TXLNB: variants seen among roughly 807,000 people sequenced by gnomAD.
TXLNB encodes the protein beta-taxilin.
In TXLNB, 37 loss-of-function variants were observed where a neutral mutation model predicts 57.4. The ratio of observed to expected loss-of-function variants is 0.64; its 90% confidence interval spans 0.50 to 0.85. The LOEUF (loss-of-function observed/expected upper bound fraction) is 0.85, where lower values mean the gene tolerates loss of function less well. Among genes scored for constraint, TXLNB ranks in the 40% least tolerant of loss-of-function variants. The pLI is 0.00. For synonymous variants in TXLNB, 302 were observed against 309.6 expected, an observed-to-expected ratio of 0.98 and a Z score of 0.26; for missense variants, 848 against 825.6, an observed-to-expected ratio of 1.03 and a Z score of -0.33.
At chr6:139,277,157 A>C in intron 2 of TXLNB, 1 of 396,576 alleles carries the variant, frequency 2.5e-6, no homozygotes, top group East Asian at 4.4e-5. Context: ...CTCTCAATAA[A>C]TGTTTGCTAT....
chr6:139,199,049 G>C, the TXLNB span, among the ~76,000 whole-genome samples: 1 of 151,106 alleles, frequency 6.6e-6, no homozygotes. Flanking sequence ...AACCGATAAA[G>C]GTTCATATTT....
At chr6:139,165,629 T>G in the TXLNB span, among the ~76,000 whole-genome samples, 6 of 152,082 alleles carry the variant, frequency 3.9e-5, no homozygotes, top group African/African-American at 1.4e-4. Context: ...TTTTTGACAT[T>G]TTAGAAATAA....
chr6:139,218,100 G>T, the TXLNB span, among the ~76,000 whole-genome samples: 1 of 152,064 alleles, frequency 6.6e-6, no homozygotes, highest in Non-Finnish European at 1.5e-5. Flanking sequence ...TTTCAGTATG[G>T]TAGGGTCCCC....
At chr6:139,248,003 G>A (rs1776107697) in intron 7 of TXLNB, 94 bp from the exon 8 acceptor site, 5 of 641,040 alleles carry the variant, frequency 7.8e-6, no homozygotes, top group Non-Finnish European at 1.3e-5. Context: ...TATAGTATTA[G>A]TAATATGTTT....
At chr6:139,281,425 T>G (rs1777045531) in intron 2 of TXLNB, among the ~76,000 whole-genome samples, 1 of 152,040 alleles carries the variant, frequency 6.6e-6, no homozygotes, top group Admixed American at 6.5e-5. Flanking sequence ...TGTGTTTTCT[T>G]GTCAGATTTT....
chr6:139,193,658 C>CT, the TXLNB span, among the ~76,000 whole-genome samples: 70 of 143,066 alleles, frequency 4.9e-4, no homozygotes, highest in South Asian at 2.2e-3. Context: ...CATCTTCTCA[C>CT]TTTTTTTTTT....
At position 139,240,748 on chromosome 6, in the gene TXLNB, GTTA is replaced by G. The variant is rs1775913924; in HGVS notation, c.*1775_*1777del. ...ATTTTTTTTCCTGCCTAGCAACTTT[GTTA>G]TTATCCTCACTGTCTACTTCAAACA... On this transcript the variant is annotated 3_prime_UTR_variant, in exon 10 of 10. Coordinates refer to ENST00000358430, the MANE Select transcript of TXLNB (RefSeq NM_153235.4). The G allele has an allele frequency of 1.3e-5, 2 of 152,624 alleles. No individual in the cohort carries two copies. Among genetic ancestry groups the G allele is most frequent in the South Asian group, 4.1e-4 (2 of 4,828 alleles). The allele number at this position is 152,624 out of a possible 1,614,324, so 9.5% of individuals were successfully genotyped here.
At chr6:139,264,244 G>C (rs189979169) in intron 4 of TXLNB, among the ~76,000 whole-genome samples, 1 of 152,150 alleles carries the variant, frequency 6.6e-6, no homozygotes, top group Admixed American at 6.5e-5. Flanking sequence ...TACCAGTTAG[G>C]AGCAACTAAA....
chr6:139,251,489 G>A (rs1264825387), intron 7 of TXLNB: 2 of 152,152 alleles, frequency 1.3e-5, no homozygotes, highest in Admixed American at 1.3e-4. Flanking sequence ...ATGGATATTT[G>A]TTTGGTAGCG....
downstream of TXLNB, among the ~76,000 whole-genome samples, chr6:139,236,828 T>G (rs1238268664): frequency 6.6e-6 from 1 of 152,152 alleles, no homozygotes; most frequent in Non-Finnish European, 1.5e-5. Context: ...GATCTACAAC[T>G]GCTGAGCTCA....
the TXLNB span, among the ~76,000 whole-genome samples, chr6:139,319,006 G>A: frequency 2.1e-5 from 3 of 144,692 alleles, no homozygotes; most frequent in South Asian, 2.2e-4. Flanking sequence ...GCAATGGCGC[G>A]ATCTCAGCTC....
intron 4 of TXLNB, among the ~76,000 whole-genome samples, chr6:139,269,570 CATG>C (rs1336110316): frequency 6.6e-6 from 1 of 152,176 alleles, no homozygotes; most frequent in Non-Finnish European, 1.5e-5. Flanking sequence ...AATGAGGAAC[CATG>C]ATTCTCTTCT....
chr6:139,309,431 G>T, the TXLNB span, among the ~76,000 whole-genome samples: 1 of 152,164 alleles, frequency 6.6e-6, no homozygotes, highest in Non-Finnish European at 1.5e-5. Context: ...CTTTGTAGAT[G>T]CATATTAAGT....
intron 5 of TXLNB, among the ~76,000 whole-genome samples, chr6:139,261,973 A>G (rs1220785733): frequency 7.4e-6 from 1 of 135,198 alleles, no homozygotes; most frequent in Non-Finnish European, 1.5e-5. Flanking sequence ...GCGTGATCTC[A>G]GCTCACTGCA....
the TXLNB span, among the ~76,000 whole-genome samples, chr6:139,312,199 A>G: frequency 2.0e-5 from 3 of 152,176 alleles, no homozygotes; most frequent in African/African-American, 7.2e-5. Context: ...TGACACTCCA[A>G]TGGGTAGGGG....
chr6:139,196,365 GTTT>G, the TXLNB span, among the ~76,000 whole-genome samples: 9 of 38,994 alleles, frequency 2.3e-4, no homozygotes, highest in Non-Finnish European at 3.8e-4. Flanking sequence ...TCCAGATCTG[GTTT>G]TTTTTTTTTT....
At chr6:139,215,014 G>T in the TXLNB span, among the ~76,000 whole-genome samples, 3 of 152,026 alleles carry the variant, frequency 2.0e-5, no homozygotes, top group Non-Finnish European at 4.4e-5. Context: ...CATGCTCATG[G>T]GTAGGAAGAA....
the TXLNB span, among the ~76,000 whole-genome samples, chr6:139,300,114 T>G: frequency 5.9e-5 from 9 of 152,278 alleles, no homozygotes; most frequent in African/African-American, 2.2e-4. Flanking sequence ...CCCCTGCTGA[T>G]CACAAAGCAA....
At chr6:139,258,591 A>C (rs1776403327) in intron 6 of TXLNB, among the ~76,000 whole-genome samples, 1 of 152,208 alleles carries the variant, frequency 6.6e-6, no homozygotes, top group Non-Finnish European at 1.5e-5. Flanking sequence ...CCATGTTTGA[A>C]AATTTATTTT....
Sources: allele counts gnomAD v4.1 joint callset (sites outside exome capture counted in the v4.1 genomes callset), GRCh38; gene constraint gnomAD v4.1.1; transcripts MANE v1.5; gene names NCBI Gene and HGNC (gene_info 2026-07-23, HGNC 2026-07-21).